The following MLF1 variants were observed in gnomAD, a reference collection of about 807,000 sequenced individuals.
MLF1 encodes the protein myeloid leukemia factor 1, also known as myelodysplasia-myeloid leukemia factor 1.
A neutral mutation model predicts 38.3 loss-of-function variants in MLF1; 37 were observed. That is an observed-to-expected ratio of 0.96 (90% confidence interval 0.74 to 1.27). The LOEUF (loss-of-function observed/expected upper bound fraction) is 1.27, where lower values mean the gene tolerates loss of function less well. Among genes scored for constraint, MLF1 ranks in the 50% most tolerant of loss-of-function variants. MLF1 has a pLI of 0.00. For synonymous variants in MLF1, 95 were observed against 106.5 expected (o/e 0.89, Z 0.66); for missense variants, 331 against 349.2 (o/e 0.95, Z 0.42).
chr3:158,602,833 T>G lies in MLF1; in HGVS notation c.640T>G (p.Trp214Gly). The G allele has an allele frequency of 6.2e-7, 1 of 1,613,538 alleles. No homozygotes were observed. The highest frequency in any genetic ancestry group is 8.5e-7 in the Non-Finnish European group (1 of 1,179,760). The change falls in exon 7 of 8, where the codon TGG becomes GGG. Residue 214 changes from tryptophan (W) to glycine (G), a missense_variant. Physicochemically the swap from Trp to Gly is radical, Grantham distance 184 (BLOSUM62 -2). Coordinates refer to ENST00000466246, the MANE Select transcript of MLF1 (RefSeq NM_001369783.1). ...ESDAHAFDEE[W>G]QSEVLKYKPG... ...TGATGCTCATGCTTTTGATGAGGAG[T>G]GGCAAAGTGAGGTTTTGAAGTACAA...
chr3:158,583,438 G>A (rs555509232), intron 1 of MLF1, among the ~76,000 whole-genome samples: 1 of 152,030 alleles, frequency 6.6e-6, no homozygotes, highest in South Asian at 2.1e-4. Context: ...AGAAATAAAG[G>A]GAAAGAAAGA....
At chr3:158,588,596 G>A (rs1352571695) in intron 1 of MLF1, among the ~76,000 whole-genome samples, 3 of 67,330 alleles carry the variant, frequency 4.5e-5, no homozygotes, top group South Asian at 1.5e-3. Flanking sequence ...GCGAGACTCC[G>A]TCTCAAAAAA....
At chr3:158,584,757 A>G (rs116650534) in intron 1 of MLF1, among the ~76,000 whole-genome samples, 2,465 of 151,450 alleles carry the variant, frequency 0.016, 39 homozygotes, top group Admixed American at 0.068. Context: ...AGGGATGTCC[A>G]ATCTTTTGGC....
chr3:158,593,914 A>G (rs1476751125), intron 3 of MLF1, among the ~76,000 whole-genome samples: 1 of 152,162 alleles, frequency 6.6e-6, no homozygotes, highest in Non-Finnish European at 1.5e-5. Flanking sequence ...CGTTTCTACC[A>G]CCTGTTTCTT....
intron 1 of MLF1, among the ~76,000 whole-genome samples, chr3:158,589,141 C>T (rs1717759597): frequency 6.6e-6 from 1 of 152,064 alleles, no homozygotes; most frequent in African/African-American, 2.4e-5. Flanking sequence ...GTAGGGGGAC[C>T]ATCTGATATA....
chr3:158,584,699 GTA>G (rs397991477), intron 1 of MLF1, among the ~76,000 whole-genome samples: 79 of 137,082 alleles, frequency 5.8e-4, no homozygotes, highest in African/African-American at 2.1e-3. Context: ...GTGTGTGTGT[GTA>G]TACTTTTTTA....
At chr3:158,597,994 A>G in intron 4 of MLF1, 86 bp from the exon 5 acceptor site, 3 of 1,371,282 alleles carry the variant, frequency 2.2e-6, no homozygotes, top group Non-Finnish European at 2.1e-6. Flanking sequence ...AGTAGAACTT[A>G]CAGCTAGTGT....
chr3:158,596,800 A>G, intron 3 of MLF1, 62 bp from the exon 4 acceptor site: 1 of 1,024,568 alleles, frequency 9.8e-7, no homozygotes, highest in Non-Finnish European at 1.4e-6. Flanking sequence ...GTTTTGGAAG[A>G]TGTATTTGCA....
chr3:158,597,664 TTGA>T (rs1197782472), intron 4 of MLF1, among the ~76,000 whole-genome samples: 2 of 152,114 alleles, frequency 1.3e-5, no homozygotes, highest in African/African-American at 2.4e-5. Context: ...GGTACGAAAC[TTGA>T]TGTATAACTA....
chr3:158,596,719 C>G, intron 3 of MLF1, 143 bp from the exon 4 acceptor site: 1 of 532,338 alleles, frequency 1.9e-6, no homozygotes, highest in Non-Finnish European at 3.4e-6. Context: ...ATTATATCCT[C>G]TAAGTTATCT....
In MLF1 at chr3:158,576,529, C is replaced by T. The variant is rs75538852; in HGVS notation, c.47+5182C>T. Among the ~76,000 whole-genome samples, 251 of 152,162 alleles carry T rather than the reference C, an allele frequency of 1.6e-3. 4 individuals are homozygous for T. The East Asian group carries it at 0.033, about 20-fold the overall frequency. ...ACGACCCAGAATTTTCTATTTGATA[C>T]GAAACAGGAACTGTGAATCTTCTGA... On this transcript the variant is annotated intron_variant, in intron 1 of 7. Coordinates refer to ENST00000466246, the MANE Select transcript of MLF1 (RefSeq NM_001369783.1).
At chr3:158,591,121 G>A (rs1183271913) in intron 1 of MLF1, 2 of 513,116 alleles carry the variant, frequency 3.9e-6, no homozygotes, top group South Asian at 2.8e-5. Context: ...TTCCTCCTTT[G>A]AGCTTCCTCC....
intron 7 of MLF1, among the ~76,000 whole-genome samples, chr3:158,604,520 TGTG>T (rs1443857076): frequency 6.6e-6 from 1 of 152,238 alleles, no homozygotes; most frequent in Non-Finnish European, 1.5e-5. Context: ...CAAATATAAA[TGTG>T]GTTAGTGACT....
At chr3:158,597,949 C>T in intron 4 of MLF1, 131 bp from the exon 5 acceptor site, 1 of 1,017,216 alleles carries the variant, frequency 9.8e-7, no homozygotes, top group Non-Finnish European at 1.4e-6. Context: ...CTGGGTGTGC[C>T]TTTGACTACA....
intron 1 of MLF1, among the ~76,000 whole-genome samples, chr3:158,582,316 A>G (rs1362071659): frequency 6.0e-5 from 4 of 66,386 alleles, no homozygotes; most frequent in Non-Finnish European, 1.1e-4. Flanking sequence ...AAAAGACTGG[A>G]AAAAAAAAAC....
Position 158,605,244 on chromosome 3 carries a change from A to C in MLF1, c.*42A>C. 1 of 1,481,378 alleles carries C rather than the reference A, an allele frequency of 6.8e-7. No individual in the cohort carries two copies. Among genetic ancestry groups the C allele is most frequent in the Non-Finnish European group, 9.3e-7 (1 of 1,069,988 alleles). 91.8% of individuals were successfully genotyped at this position (1,481,378 alleles called of 1,614,324 possible). ...TTTGTTTAGTTTTGATTGTTTTAAC[A>C]GTTAGTAATGGTGCTGGGTAATAAG... On this transcript the variant is annotated 3_prime_UTR_variant, in exon 8 of 8. Transcript: ENST00000466246.
In MLF1 at chr3:158,598,117, GTTCT is replaced by G. The variant is rs765788284; in HGVS notation, c.364_367del (p.Ser122ProfsTer4). On this transcript the variant is annotated frameshift_variant, in exon 5 of 8. Coordinates refer to ENST00000466246, the MANE Select transcript of MLF1 (RefSeq NM_001369783.1). LOFTEE classifies it high-confidence loss of function. ...GTGGATCCAAATGGACATTCATTTT[GTTCT>G]TCCTCAGTTATGACTTATTCCAAAA... 3.7e-6 allele frequency: 6 copies of G among 1,613,462 alleles called. No homozygotes were observed. The East Asian group carries it at 1.1e-4, about 30-fold the overall frequency.
Position 158,589,841 on chromosome 3 carries a change from G to A in MLF1, c.48-2593G>A, listed in dbSNP as rs191347629. On this transcript the variant is annotated intron_variant, in intron 1 of 7. Transcript: ENST00000466246. Reference sequence around the variant, plus strand: ...TGAATCTGTTTCCTTGTCTTTTCTAGCGTCTAGATACTGCTGTGTTCCTTG... The same window carrying A: ...TGAATCTGTTTCCTTGTCTTTTCTAACGTCTAGATACTGCTGTGTTCCTTG... Among the ~76,000 whole-genome samples, 17 of 152,136 alleles carry A rather than the reference G, an allele frequency of 1.1e-4. No homozygotes were observed. The East Asian group carries it at 3.3e-3, about 29-fold the overall frequency.
At chr3:158,587,569 C>G (rs1044456483) in intron 1 of MLF1, among the ~76,000 whole-genome samples, 2 of 152,212 alleles carry the variant, frequency 1.3e-5, no homozygotes, top group Non-Finnish European at 2.9e-5. Context: ...GAGATACATG[C>G]TGCTGATCCC....
Sources: gnomAD v4.1 joint callset for allele counts (sites outside exome capture counted in the v4.1 genomes callset) on GRCh38, gnomAD v4.1.1 for gene constraint, MANE v1.5 for transcripts, NCBI Gene and HGNC (gene_info 2026-07-23, HGNC 2026-07-21) for gene names.